The following CPS1 variants were observed in gnomAD, a reference collection of about 807,000 sequenced individuals.
CPS1 encodes the protein carbamoyl-phosphate synthase 1.
CPS1 carries 109 observed loss-of-function variants against 174.6 expected under a neutral mutation model. The observed-to-expected ratio is 0.62, with a 90% CI of 0.53 to 0.73. The LOEUF (loss-of-function observed/expected upper bound fraction) is 0.73. Among genes scored for constraint, CPS1 ranks in the 30% least tolerant of loss-of-function variants. The pLI is 0.00. For synonymous variants in CPS1, 637 were observed against 632.0 expected (o/e 1.01, Z -0.12); for missense variants, 1,689 against 1,821.9 (o/e 0.93, Z 1.33).
At chr2:210,600,740 A>G in intron 15 of CPS1, 28 bp downstream of exon 15, 1 of 1,610,514 alleles carries the variant, frequency 6.2e-7, no homozygotes. Flanking sequence ...TGGAAAAACA[A>G]GGGCATTATT....
intron 1 of CPS1, among the ~76,000 whole-genome samples, chr2:210,483,268 A>G (rs1164468277): frequency 6.6e-6 from 1 of 152,312 alleles, no homozygotes; most frequent in East Asian, 1.9e-4. Context: ...ATAAAGGCCA[A>G]GAAGGGGAGG....
At chr2:210,522,923 A>G (rs1695867041) in intron 1 of CPS1, among the ~76,000 whole-genome samples, 1 of 152,012 alleles carries the variant, frequency 6.6e-6, no homozygotes, top group South Asian at 2.1e-4. Context: ...ATTAAGTGAA[A>G]AAATATATTA....
At chr2:210,480,945 A>AACATAAAC (rs1447281637) in intron 1 of CPS1, among the ~76,000 whole-genome samples, 1 of 152,222 alleles carries the variant, frequency 6.6e-6, no homozygotes, top group African/African-American at 2.4e-5. Context: ...AGGAAACAAG[A>AACATAAAC]ACATAAACAG....
At chr2:210,630,098 A>C (rs1275140789) in intron 21 of CPS1, among the ~76,000 whole-genome samples, 5 of 151,328 alleles carry the variant, frequency 3.3e-5, no homozygotes, top group African/African-American at 1.2e-4. Context: ...AAAACAAAAA[A>C]AAAAAACAAA....
intron 1 of CPS1, among the ~76,000 whole-genome samples, chr2:210,528,932 T>A (rs1181554198): frequency 6.7e-6 from 1 of 150,264 alleles, no homozygotes; most frequent in African/African-American, 2.4e-5. Context: ...TTTTACAGCA[T>A]GAGTTATTGA....
Position 210,602,210 on chromosome 2 carries a change from T to C in CPS1, c.1716T>C (p.Asp572=), listed in dbSNP as rs764231738. The C allele has an allele frequency of 3.1e-6, 5 of 1,612,212 alleles. No individual in the cohort carries two copies. In the East Asian group the frequency reaches 1.1e-4, roughly 36 times the overall value. The stretch of plus-strand genomic sequence containing the variant: ...CTTGTTCTTGTTGACAGATTGAGGA[T>C]GCACTGAAGGCAGCAGACACCATTG... ...APSFAVESIE[D]ALKAADTIGY... is the part of the protein sequence containing the mutation. Residue 572 remains aspartate (D), a synonymous_variant, in exon 16 of 38, where the codon GAT becomes GAC. Transcript: ENST00000233072.
chr2:210,605,111 A>G lies in CPS1; in HGVS notation c.1846A>G (p.Met616Val), dbSNP rs769283223. Residue 616 changes from methionine (M) to valine (V), a missense_variant, in exon 17 of 38, where the codon ATG (methionine) becomes GTG (valine). Transcript: ENST00000233072. ...TGTCACCAATTTCTAGGCCTTTGCT[A>G]TGACCAACCAAATTCTGGTGGAGAA... ...LMDLSTKAFAMTNQILVEKSV... is the reference protein window; with the variant it reads ...LMDLSTKAFAVTNQILVEKSV... The G allele has an allele frequency of 1.2e-6, 2 of 1,611,902 alleles. No individual in the cohort carries two copies. Among genetic ancestry groups the G allele is most frequent in the Admixed American group, 3.3e-5 (2 of 59,822 alleles).
chr2:210,672,244 C>T (rs1701332011), intron 34 of CPS1: 2 of 152,116 alleles, frequency 1.3e-5, no homozygotes, highest in Admixed American at 6.6e-5. Context: ...TATGTTAGCA[C>T]TTATTATTGT....
At chr2:210,588,296 A>G in intron 7 of CPS1, 149 bp downstream of exon 7, 1 of 755,804 alleles carries the variant, frequency 1.3e-6, no homozygotes, top group Non-Finnish European at 2.3e-6. Flanking sequence ...ACAAAATAAC[A>G]CATTTATCCC....
At chr2:210,554,765 TAAAA>T (rs1396417942), upstream of CPS1, among the ~76,000 whole-genome samples, 2 of 150,852 alleles carry the variant, frequency 1.3e-5, no homozygotes, top group Non-Finnish European at 3.0e-5. Flanking sequence ...AAAAAAAACT[TAAAA>T]AGAAAAGTTT....
chr2:210,581,821 T>A (rs907095520), intron 5 of CPS1, among the ~76,000 whole-genome samples: 1 of 152,176 alleles, frequency 6.6e-6, no homozygotes, highest in Admixed American at 6.6e-5. Context: ...GAAAGCTTCC[T>A]TCTATTTCCT....
At chr2:210,628,540 T>C (rs1699761081) in intron 21 of CPS1, among the ~76,000 whole-genome samples, 1 of 152,208 alleles carries the variant, frequency 6.6e-6, no homozygotes, top group African/African-American at 2.4e-5. Context: ...TATTAGTAGA[T>C]AGGCTTCTGT....
chr2:210,658,755 C>T, intron 31 of CPS1, 67 bp downstream of exon 31: 1 of 1,164,694 alleles, frequency 8.6e-7, no homozygotes, highest in Non-Finnish European at 1.3e-6. Context: ...TTGCATCTCT[C>T]TGGTAATCTT....
chr2:210,622,847 C>T (rs1031556321), intron 21 of CPS1, among the ~76,000 whole-genome samples: 3 of 149,994 alleles, frequency 2.0e-5, no homozygotes, highest in African/African-American at 7.3e-5. Flanking sequence ...CTGCTTATCC[C>T]TCTGGCTGTA....
intron 4 of CPS1, 94 bp from the exon 5 acceptor site, chr2:210,579,620 A>T: frequency 1.1e-6 from 1 of 934,852 alleles, no homozygotes; most frequent in South Asian, 1.3e-5. Flanking sequence ...TTTACTGCTC[A>T]AGAAGATAGA....
At chr2:210,566,072 A>T (rs948129925) in intron 1 of CPS1, among the ~76,000 whole-genome samples, 5 of 152,116 alleles carry the variant, frequency 3.3e-5, no homozygotes, top group Non-Finnish European at 7.4e-5. Flanking sequence ...TCCAGGCCTA[A>T]CTTAGACACT....
rs751393070 is a variant in CPS1, at chr2:210,616,555, G to A, written c.2687+14G>A. The A allele has an allele frequency of 6.8e-6, 10 of 1,462,804 alleles. No individual in the cohort carries two copies. Among genetic ancestry groups the A allele is most frequent in the Middle Eastern group, 1.7e-4 (1 of 5,726 alleles). 90.6% of individuals were successfully genotyped at this position (1,462,804 alleles called of 1,614,324 possible). On this transcript the variant is annotated intron_variant, in intron 21 of 37. Coordinates refer to ENST00000233072, the MANE Select transcript of CPS1 (RefSeq NM_001875.5). ...AGGCCTCAACAGGTAAGGCAGTGCT[G>A]CTCTCATTCATGCCAGACACCTTCA...
chr2:210,543,708 T>C (rs1696490084), intron 1 of CPS1, among the ~76,000 whole-genome samples: 1 of 152,146 alleles, frequency 6.6e-6, no homozygotes, highest in Non-Finnish European at 1.5e-5. Flanking sequence ...CCAATTCATT[T>C]ATATTTCTTT....
chr2:210,598,374 A>C lies in CPS1; in HGVS notation c.1360-998A>C, dbSNP rs534123031. 2.6e-5 allele frequency among the ~76,000 whole-genome samples: 4 copies of C among 152,044 alleles called. No individual in the cohort carries two copies. The East Asian group carries it at 7.8e-4, about 30-fold the overall frequency. On this transcript the variant is annotated intron_variant, in intron 13 of 37. Coordinates refer to ENST00000233072, the MANE Select transcript of CPS1 (RefSeq NM_001875.5). The stretch of plus-strand genomic sequence containing the variant: ...ATCCACATATCAATACTAACCTTGA[A>C]TATAAACAGGCTAAATGTCCCACTT...
Sources: gnomAD v4.1 joint callset for allele counts (sites outside exome capture counted in the v4.1 genomes callset) on GRCh38, gnomAD v4.1.1 for gene constraint, MANE v1.5 for transcripts, NCBI Gene and HGNC (gene_info 2026-07-23, HGNC 2026-07-21) for gene names.